The following IL7 variants were observed in gnomAD, a reference collection of about 807,000 sequenced individuals.
IL7 encodes the protein interleukin 7, also known as interleukin-7.
Under a neutral mutation model 21.6 loss-of-function variants are expected in IL7, and 3 were observed. That is an observed-to-expected ratio of 0.14 (90% CI 0.06 to 0.36). The LOEUF (loss-of-function observed/expected upper bound fraction) is 0.36, where lower values mean the gene tolerates loss of function less well. Ranked by LOEUF, IL7 falls within the 10% of genes least tolerant of loss-of-function variation. The probability of loss-of-function intolerance (pLI) is 1.00; values close to 1 mark genes in which losing one functional copy is unlikely to be tolerated. For synonymous variants in IL7, 62 were observed against 68.1 expected, an observed-to-expected ratio of 0.91 and a Z score of 0.44; for missense variants, 175 against 200.2, an observed-to-expected ratio of 0.87 and a Z score of 0.76.
downstream of IL7, among the ~76,000 whole-genome samples, chr8:78,715,884 A>T (rs1215744945): frequency 2.0e-5 from 3 of 151,642 alleles, no homozygotes; most frequent in Non-Finnish European, 4.4e-5. Flanking sequence ...TACTAAAAGT[A>T]GAAAAATTAG....
intron 2 of IL7, among the ~76,000 whole-genome samples, chr8:78,767,878 A>G (rs1022403801): frequency 3.3e-5 from 5 of 152,030 alleles, no homozygotes; most frequent in Non-Finnish European, 5.9e-5. Context: ...CCATTAACTC[A>G]TCATTTAGCA....
At chr8:78,766,970 T>C (rs529917815) in intron 2 of IL7, among the ~76,000 whole-genome samples, 4 of 152,268 alleles carry the variant, frequency 2.6e-5, no homozygotes, top group African/African-American at 9.6e-5. Context: ...TTTTTACCAA[T>C]CCTGAGAAGT....
intron 4 of IL7, among the ~76,000 whole-genome samples, chr8:78,679,611 A>C (rs1809699232): frequency 6.6e-6 from 1 of 152,190 alleles, no homozygotes; most frequent in Non-Finnish European, 1.5e-5. Context: ...CTAAGAATAA[A>C]TTACTTAAGA....
intron 4 of IL7, among the ~76,000 whole-genome samples, chr8:78,676,908 A>G (rs1331412817): frequency 6.6e-6 from 1 of 152,088 alleles, no homozygotes. Context: ...GTTGGGAAAC[A>G]AGCACCACAT....
chr8:78,693,009 G>A (rs1810263469), intron 3 of IL7, among the ~76,000 whole-genome samples: 1 of 151,910 alleles, frequency 6.6e-6, no homozygotes, highest in Non-Finnish European at 1.5e-5. Context: ...GTGATAGTTT[G>A]CTGAGAATGA....
chr8:78,791,563 C>A (rs796238327), intron 2 of IL7, among the ~76,000 whole-genome samples: 2 of 152,126 alleles, frequency 1.3e-5, no homozygotes, highest in Non-Finnish European at 2.9e-5. Flanking sequence ...TTGCTTGAAC[C>A]TGGGAGGTGG....
intron 3 of IL7, among the ~76,000 whole-genome samples, chr8:78,738,851 T>C (rs1811682479): frequency 6.6e-6 from 1 of 152,226 alleles, no homozygotes; most frequent in African/African-American, 2.4e-5. Context: ...CTTGGTTTAA[T>C]AATTATCTTG....
In IL7 at chr8:78,711,370, A is replaced by ATG. The variant is rs750029900; in HGVS notation, n.214+9976_214+9977dup. ...GAGAGCCTTTATAATTTTGGTCAAA[A>ATG]TGTGTGTGTGTATATATAGGCCCCT... On this transcript the variant is annotated intron_variant and non_coding_transcript_variant, in intron 3 of 4. Coordinates refer to the IL7 transcript ENST00000523959. 4.5e-3 allele frequency among the ~76,000 whole-genome samples: 678 copies of ATG among 152,214 alleles called. 10 individuals carry two copies. The highest frequency in any genetic ancestry group is 0.039 in the South Asian group (186 of 4,826).
exon 5 of IL7, chr8:78,676,069 G>A (rs909595907): frequency 2.8e-6 from 1 of 355,686 alleles, no homozygotes; most frequent in African/African-American, 2.1e-5. Flanking sequence ...GAACTCTTCT[G>A]TTAAAGTTTA....
chr8:78,758,009 T>C (rs1473604961), intron 2 of IL7, among the ~76,000 whole-genome samples: 1 of 152,068 alleles, frequency 6.6e-6, no homozygotes, highest in Non-Finnish European at 1.5e-5. Context: ...CCCTTTGTTC[T>C]TCCCTTGTTT....
chr8:78,781,387 C>T (rs1410238967), intron 2 of IL7, among the ~76,000 whole-genome samples: 8 of 152,156 alleles, frequency 5.3e-5, no homozygotes, highest in Admixed American at 1.3e-4. Context: ...GTGCTTCCTT[C>T]AGTAACTCTT....
intron 3 of IL7, among the ~76,000 whole-genome samples, chr8:78,690,202 T>G (rs946492472): frequency 6.6e-6 from 1 of 152,196 alleles, no homozygotes; most frequent in Admixed American, 6.5e-5. Context: ...CTATACTGAA[T>G]AGTGAACCTT....
At chr8:78,768,574 G>A (rs1398125135) in intron 2 of IL7, among the ~76,000 whole-genome samples, 2 of 151,006 alleles carry the variant, frequency 1.3e-5, no homozygotes, top group Non-Finnish European at 2.9e-5. Flanking sequence ...GTCTTCTTTT[G>A]AGAAGTGTCT....
At chr8:78,679,300 G>A (rs1199633610) in intron 4 of IL7, 2 of 152,082 alleles carry the variant, frequency 1.3e-5, no homozygotes, top group African/African-American at 4.8e-5. Context: ...CTTGGTATCT[G>A]TGGGAGATTG....
intron 2 of IL7, among the ~76,000 whole-genome samples, chr8:78,784,090 C>T (rs924632175): frequency 3.9e-5 from 6 of 152,126 alleles, no homozygotes; most frequent in African/African-American, 1.2e-4. Context: ...TGTGTCTCCT[C>T]GAAATTCATA....
intron 3 of IL7, among the ~76,000 whole-genome samples, chr8:78,692,850 GGA>G (rs1810255556): frequency 1.3e-5 from 2 of 151,872 alleles, no homozygotes; most frequent in African/African-American, 2.4e-5. Flanking sequence ...TCATTTACAT[GGA>G]GTATATCTCC....
chr8:78,770,030 T>C (rs1421843783), intron 2 of IL7, among the ~76,000 whole-genome samples: 3 of 152,066 alleles, frequency 2.0e-5, no homozygotes, highest in Non-Finnish European at 4.4e-5. Context: ...ATACAAAAAA[T>C]AATTCAAGAT....
intron 2 of IL7, among the ~76,000 whole-genome samples, chr8:78,786,523 C>T (rs1422755463): frequency 6.6e-6 from 1 of 152,138 alleles, no homozygotes; most frequent in Non-Finnish European, 1.5e-5. Flanking sequence ...ACTGGCAGTG[C>T]AATGGGTTTG....
At chr8:78,739,103 A>T (rs192588382) in intron 3 of IL7, among the ~76,000 whole-genome samples, 1 of 152,264 alleles carries the variant, frequency 6.6e-6, no homozygotes, top group East Asian at 1.9e-4. Flanking sequence ...AGTTTTGCAG[A>T]TATTTAAATT....
Sources: allele counts gnomAD v4.1 joint callset (sites outside exome capture counted in the v4.1 genomes callset), GRCh38; gene constraint gnomAD v4.1.1; transcripts MANE v1.5; gene names NCBI Gene and HGNC (gene_info 2026-07-23, HGNC 2026-07-21).